The following KMT2C variants were observed in gnomAD, a reference collection of about 807,000 sequenced individuals.
The protein encoded by KMT2C is histone-lysine N-methyltransferase 2C.
Under a neutral mutation model 507.9 loss-of-function variants are expected in KMT2C, and 88 were observed. The ratio of observed to expected loss-of-function variants is 0.17; its 90% CI spans 0.15 to 0.21. The LOEUF (loss-of-function observed/expected upper bound fraction) is 0.21. Ranked by LOEUF, KMT2C falls within the 10% of genes least tolerant of loss-of-function variation. The probability of loss-of-function intolerance (pLI) is 1.00; values close to 1 mark genes in which losing one functional copy is unlikely to be tolerated. For missense variants in KMT2C, 4,954 were observed against 5,957.8 expected (o/e 0.83, Z 5.55); for synonymous variants, 2,049 against 2,080.8 (o/e 0.98, Z 0.42).
chr7:152,199,870 A>G (rs1037245900), intron 26 of KMT2C, among the ~76,000 whole-genome samples: 8 of 152,202 alleles, frequency 5.3e-5, no homozygotes, highest in African/African-American at 1.9e-4. Flanking sequence ...CACTTACACT[A>G]TAAGACTACT....
At chr7:152,164,285 T>C (rs886818793) in intron 42 of KMT2C, among the ~76,000 whole-genome samples, 2 of 151,634 alleles carry the variant, frequency 1.3e-5, no homozygotes, top group African/African-American at 4.9e-5. Context: ...ATATAAATTG[T>C]ACAACATTTT....
intron 26 of KMT2C, among the ~76,000 whole-genome samples, chr7:152,200,280 T>C (rs2094094694): frequency 6.6e-6 from 1 of 152,220 alleles, no homozygotes; most frequent in African/African-American, 2.4e-5. Context: ...AAAATGGCCT[T>C]AATGTCTATC....
chr7:152,370,748 A>C (rs913376623), intron 1 of KMT2C, among the ~76,000 whole-genome samples: 5 of 152,214 alleles, frequency 3.3e-5, no homozygotes, highest in African/African-American at 1.2e-4. Context: ...TAGAAGTCTA[A>C]ATCACTGGTC....
chr7:152,369,683 G>C (rs1450150547), intron 1 of KMT2C, among the ~76,000 whole-genome samples: 1 of 152,136 alleles, frequency 6.6e-6, no homozygotes, highest in Non-Finnish European at 1.5e-5. Flanking sequence ...TCTCATGTTT[G>C]GCCTCTCTTT....
At chr7:152,353,486 C>T (rs13240564) in intron 2 of KMT2C, among the ~76,000 whole-genome samples, 7,587 of 152,146 alleles carry the variant, frequency 0.05, 332 homozygotes, top group African/African-American at 0.11. Context: ...TGGTAGGAGA[C>T]TCATTAGCAT....
At position 152,157,952 on chromosome 7, in the gene KMT2C, TG is replaced by T. The variant is rs781058091; in HGVS notation, c.11670+910del. On this transcript the variant is annotated intron_variant, in intron 44 of 58. Transcript: ENST00000262189. ...TATTAAAAAACACATTTAAGAGTAA[TG>T]TACATGATAAAAGGAACTCAGTGTA... is the stretch of plus-strand genomic sequence containing the variant. 4.9e-5 allele frequency: 64 copies of T among 1,295,056 alleles called. 1 individual carries two copies. The African/African-American group carries it at 9.1e-4, about 18-fold the overall frequency. The allele number at this position is 1,295,056 out of a possible 1,614,324, so 80.2% of individuals were successfully genotyped here.
chr7:152,289,396 C>A (rs2096366117), intron 6 of KMT2C, among the ~76,000 whole-genome samples: 1 of 152,170 alleles, frequency 6.6e-6, no homozygotes, highest in Non-Finnish European at 1.5e-5. Flanking sequence ...GAATACACAT[C>A]TTTTAATTAT....
intron 1 of KMT2C, among the ~76,000 whole-genome samples, chr7:152,375,326 G>A (rs1015535845): frequency 3.3e-5 from 5 of 151,174 alleles, no homozygotes; most frequent in East Asian, 3.9e-4. Flanking sequence ...ACAGGCGTAA[G>A]CCACCACACC....
At position 152,162,854 on chromosome 7, in the gene KMT2C, T is replaced by A. The variant is rs142997680; in HGVS notation, c.10723A>T (p.Thr3575Ser). The stretch of plus-strand genomic sequence containing the variant: ...GGATAACTGTGTCCATGGGTTATAG[T>A]AGAATCTTGGCCACATGGGAGACTG... ...NSSLPCGQDS[T>S]ITHGHSYPGS... Residue 3575 changes from threonine (T) to serine (S), a missense_variant, in exon 43 of 59, where the codon ACT becomes TCT. Coordinates refer to ENST00000262189, the MANE Select transcript of KMT2C (RefSeq NM_170606.3). 5.5e-5 allele frequency: 88 copies of A among 1,614,076 alleles called. No homozygotes were observed. Among genetic ancestry groups the A allele is most frequent in the Non-Finnish European group, 7.2e-5 (85 of 1,180,030 alleles).
At chr7:152,431,472 C>T (rs1401017513) in intron 1 of KMT2C, among the ~76,000 whole-genome samples, 1 of 151,856 alleles carries the variant, frequency 6.6e-6, no homozygotes. Flanking sequence ...TAGTACGTGC[C>T]TGCAGTCCCA....
intron 43 of KMT2C, among the ~76,000 whole-genome samples, chr7:152,161,097 G>T (rs1210662373): frequency 1.3e-5 from 2 of 152,218 alleles, no homozygotes; most frequent in Non-Finnish European, 2.9e-5. Flanking sequence ...CAGGGTATAA[G>T]ATGTCTTGGA....
intron 43 of KMT2C, 137 bp downstream of exon 43, chr7:152,161,980 A>T: frequency 1.0e-6 from 1 of 974,712 alleles, no homozygotes. Context: ...GAGAGGTAGA[A>T]ATGACAAAAT....
At chr7:152,150,019 C>A (rs2091474230) in intron 51 of KMT2C, among the ~76,000 whole-genome samples, 1 of 152,162 alleles carries the variant, frequency 6.6e-6, no homozygotes, top group African/African-American at 2.4e-5. Flanking sequence ...CAAACAACTA[C>A]CTGTTAAAAA....
At chr7:152,196,498 T>C (rs2093966528) in intron 27 of KMT2C, among the ~76,000 whole-genome samples, 1 of 152,174 alleles carries the variant, frequency 6.6e-6, no homozygotes, top group South Asian at 2.1e-4. Flanking sequence ...GCTTTGCTGT[T>C]CATACTGATT....
intron 49 of KMT2C, 60 bp downstream of exon 49, chr7:152,152,645 G>A (rs2091727565): frequency 6.9e-6 from 11 of 1,586,680 alleles, no homozygotes; most frequent in Non-Finnish European, 8.6e-6. Context: ...ATCTCAAAGA[G>A]TAAGCTTAAC....
rs1014639886 is a variant in KMT2C at position 152,175,247 on chromosome 7, A to G, written c.9262+944T>C. 3.3e-5 allele frequency among the ~76,000 whole-genome samples: 5 copies of G among 151,340 alleles called. No homozygotes were observed. The South Asian group carries it at 8.4e-4, about 25-fold the overall frequency. ...TGCAACTTCCGCCTCCTGGGTTCAC[A>G]CCATTCTCCTGCCTCTGTCTCCCGA... On this transcript the variant is annotated intron_variant, in intron 38 of 58. Transcript: ENST00000262189.
At chr7:152,196,607 T>C (rs903963686) in intron 27 of KMT2C, among the ~76,000 whole-genome samples, 6 of 152,210 alleles carry the variant, frequency 3.9e-5, no homozygotes, top group Non-Finnish European at 7.3e-5. Context: ...TGAAACAAAG[T>C]GCCTGCCCTC....
chr7:152,335,908 GTTTTTTTGTTT>G (rs1369534899), intron 2 of KMT2C, among the ~76,000 whole-genome samples: 5 of 145,814 alleles, frequency 3.4e-5, no homozygotes, highest in African/African-American at 1.2e-4. Context: ...AGACTATAGG[GTTTTTTTGTTT>G]TTTTTTTGTT....
intron 1 of KMT2C, among the ~76,000 whole-genome samples, chr7:152,361,721 A>G (rs2097199464): frequency 1.3e-5 from 2 of 152,168 alleles, no homozygotes; most frequent in South Asian, 4.1e-4. Flanking sequence ...AGATAAATAT[A>G]AATATGAATT....
Sources: gnomAD v4.1 joint callset for allele counts (sites outside exome capture counted in the v4.1 genomes callset) on GRCh38, gnomAD v4.1.1 for gene constraint, MANE v1.5 for transcripts, NCBI Gene and HGNC (gene_info 2026-07-23, HGNC 2026-07-21) for gene names.